Variants in XIRP2 observed in about 807,000 individuals in gnomAD.
XIRP2 encodes the protein xin actin-binding repeat-containing protein 2.
XIRP2 carries 236 observed loss-of-function variants against 277.0 expected under a neutral mutation model. The ratio of observed to expected loss-of-function variants is 0.85; its 90% CI spans 0.77 to 0.95. XIRP2 has a LOEUF of 0.95. XIRP2 is among the 40% of genes least tolerant of loss of function. XIRP2 has a pLI of 0.00. For synonymous variants in XIRP2, 1,490 were observed against 1,416.5 expected, an observed-to-expected ratio of 1.05 and a Z score of -1.17; for missense variants, 4,640 against 4,157.5, an observed-to-expected ratio of 1.12 and a Z score of -3.19.
At chr2:166,928,082 AGTTCC>A in intron 2 of XIRP2, among the ~76,000 whole-genome samples, 1 of 152,278 alleles carries the variant, frequency 6.6e-6, no homozygotes, top group East Asian at 1.9e-4. Flanking sequence ...CAGCTCAAAG[AGTTCC>A]GTCATTTTAC....
chr2:167,024,947 A>G (rs1688107228), intron 2 of XIRP2, among the ~76,000 whole-genome samples: 1 of 152,170 alleles, frequency 6.6e-6, no homozygotes, highest in Non-Finnish European at 1.5e-5. Context: ...AGGCATTGGT[A>G]TCAGGATGAT....
At position 167,245,662 on chromosome 2, in the gene XIRP2, T is replaced by C. The variant is rs772203400; in HGVS notation, c.4270T>C (p.Phe1424Leu). The C allele has an allele frequency of 1.2e-6, 2 of 1,613,556 alleles. No homozygotes were observed. Among genetic ancestry groups the C allele is most frequent in the Non-Finnish European group, 1.7e-6 (2 of 1,179,702 alleles). ...QGGNVKTSRQ[F>L]FESENFDKNN... is the part of the protein sequence containing the mutation. ...TGGCAATGTAAAGACAAGTAGACAA[T>C]TCTTTGAGTCTGAAAATTTTGATAA... The change falls in exon 9 of 11, where the codon TTC becomes CTC. Residue 1424 changes from phenylalanine to leucine, a missense_variant. By Grantham distance (22) the Phe-to-Leu change is conservative (BLOSUM62 0). Transcript: ENST00000409195.
chr2:167,097,176 G>A (rs1574252417), intron 2 of XIRP2, among the ~76,000 whole-genome samples: 1 of 152,232 alleles, frequency 6.6e-6, no homozygotes, highest in Admixed American at 6.5e-5. Flanking sequence ...TTGAGTGGGA[G>A]GCTAAGTCTC....
intron 3 of XIRP2, among the ~76,000 whole-genome samples, chr2:167,188,431 C>T (rs1467731772): frequency 6.6e-6 from 1 of 152,144 alleles, no homozygotes; most frequent in African/African-American, 2.4e-5. Flanking sequence ...TTTATTTTTA[C>T]CAGTGCTCTA....
chr2:167,258,390 T>C lies in XIRP2; in HGVS notation c.*573T>C, dbSNP rs754599937. On this transcript the variant is annotated 3_prime_UTR_variant, in exon 11 of 11. Transcript: ENST00000409195. ...ACCCATGTTTGTCAGAAAGAGGATG[T>C]TATAGGAATCAAAGAAATGAAAATG... 1.2e-6 allele frequency: 2 copies of C among 1,613,122 alleles called. No homozygotes were observed. Among genetic ancestry groups the C allele is most frequent in the South Asian group, 2.2e-5 (2 of 91,038 alleles).
intron 2 of XIRP2, among the ~76,000 whole-genome samples, chr2:167,010,654 C>A (rs1302923192): frequency 6.6e-6 from 1 of 152,068 alleles, no homozygotes; most frequent in Admixed American, 6.6e-5. Context: ...TATAAATTAC[C>A]TTGGGCAGTA....
At chr2:167,170,958 G>A (rs933096443) in intron 3 of XIRP2, among the ~76,000 whole-genome samples, 1 of 138,848 alleles carries the variant, frequency 7.2e-6, no homozygotes, top group African/African-American at 2.7e-5. Context: ...GGAGTGCAGT[G>A]GCCCAATCTC....
intron 4 of XIRP2, among the ~76,000 whole-genome samples, chr2:167,217,668 A>AT (rs2105399675): frequency 6.6e-6 from 1 of 152,288 alleles, no homozygotes; most frequent in South Asian, 2.1e-4. Context: ...TCATATTAAT[A>AT]TTTTTACATA....
chr2:166,950,080 T>C lies in XIRP2; in HGVS notation c.408+46190T>C, dbSNP rs147587539. On this transcript the variant is annotated intron_variant, in intron 2 of 10. Coordinates refer to ENST00000409195, the MANE Select transcript of XIRP2 (RefSeq NM_152381.6). The stretch of plus-strand genomic sequence containing the variant: ...AATAGTACTAGTGTAGTTAATTACA[T>C]ACAGATAGTTTTATAAATGCGATGG... 4.5e-3 allele frequency among the ~76,000 whole-genome samples: 688 copies of C among 152,168 alleles called. 2 individuals carry two copies. Among genetic ancestry groups the C allele is most frequent in the South Asian group, 0.013 (63 of 4,822 alleles).
intron 2 of XIRP2, among the ~76,000 whole-genome samples, chr2:166,947,975 C>T (rs1638899690): frequency 6.6e-6 from 1 of 151,928 alleles, no homozygotes; most frequent in South Asian, 2.1e-4. Context: ...GTGAAAGAAG[C>T]CAGTCTGATT....
chr2:167,219,775 T>C (rs1413110940), intron 5 of XIRP2, among the ~76,000 whole-genome samples: 2 of 152,218 alleles, frequency 1.3e-5, no homozygotes, highest in Non-Finnish European at 2.9e-5. Flanking sequence ...CAGTTTCTGA[T>C]GAGTAGGATG....
At chr2:166,936,195 C>T (rs1388966141) in intron 2 of XIRP2, among the ~76,000 whole-genome samples, 1 of 152,218 alleles carries the variant, frequency 6.6e-6, no homozygotes, top group Non-Finnish European at 1.5e-5. Context: ...TGTCTGTTGG[C>T]TGCATAAATG....
intron 3 of XIRP2, among the ~76,000 whole-genome samples, chr2:167,151,168 G>A (rs903460264): frequency 4.6e-5 from 7 of 152,092 alleles, no homozygotes; most frequent in South Asian, 4.2e-4. Flanking sequence ...ATCTGTATTG[G>A]GTCCCAGTTA....
chr2:167,015,443 T>TATCTATC (rs1413617106), intron 2 of XIRP2, among the ~76,000 whole-genome samples: 1 of 151,320 alleles, frequency 6.6e-6, no homozygotes, highest in Non-Finnish European at 1.5e-5. Context: ...TCTATCTATC[T>TATCTATC]ATCTATCTAT....
chr2:166,942,179 G>A (rs1014327089), intron 2 of XIRP2, among the ~76,000 whole-genome samples: 5 of 152,108 alleles, frequency 3.3e-5, no homozygotes, highest in African/African-American at 1.2e-4. Flanking sequence ...GTTGCCATAG[G>A]CCCATGGAGG....
chr2:167,140,395 A>G (rs1691680781), intron 3 of XIRP2, among the ~76,000 whole-genome samples: 1 of 152,220 alleles, frequency 6.6e-6, no homozygotes, highest in Non-Finnish European at 1.5e-5. Context: ...TTTAAAATTA[A>G]CAGCACCATT....
intron 3 of XIRP2, among the ~76,000 whole-genome samples, chr2:167,154,472 A>G (rs1034212108): frequency 5.3e-5 from 8 of 150,802 alleles, no homozygotes; most frequent in African/African-American, 1.7e-4. Flanking sequence ...TTTAGACATG[A>G]AGTCCTTGCC....
intron 3 of XIRP2, among the ~76,000 whole-genome samples, chr2:167,191,801 T>A (rs796318623): frequency 2.0e-5 from 3 of 152,216 alleles, no homozygotes; most frequent in African/African-American, 7.2e-5. Context: ...GCAGATTATA[T>A]CCTTGTTGCC....
chr2:166,914,622 G>A (rs966927875), intron 2 of XIRP2, among the ~76,000 whole-genome samples: 37 of 152,136 alleles, frequency 2.4e-4, no homozygotes, highest in Admixed American at 1.0e-3. Flanking sequence ...GATTACAGGC[G>A]TGAGCCAACA....
Sources: allele counts gnomAD v4.1 joint callset (sites outside exome capture counted in the v4.1 genomes callset), GRCh38; gene constraint gnomAD v4.1.1; transcripts MANE v1.5; gene names NCBI Gene and HGNC (gene_info 2026-07-23, HGNC 2026-07-21).